Variants in IL1RAPL2 observed in about 807,000 individuals in gnomAD.
IL1RAPL2 encodes the protein interleukin 1 receptor accessory protein like 2.
IL1RAPL2 carries 3 observed loss-of-function variants against 44.1 expected under a neutral mutation model. The observed-to-expected ratio is 0.07, with a 90% CI of 0.03 to 0.18. The LOEUF is 0.18. Among genes scored for constraint, IL1RAPL2 ranks in the 10% least tolerant of loss-of-function variants. The pLI, the probability that IL1RAPL2 is intolerant of heterozygous loss-of-function variation, is 1.00. For synonymous variants in IL1RAPL2, 181 were observed against 178.8 expected (o/e 1.01, Z -0.10); for missense variants, 391 against 496.4 (o/e 0.79, Z 2.02).
At chrX:105,159,818 C>T (rs1260354549) in intron 2 of IL1RAPL2, among the ~76,000 whole-genome samples, 1 of 111,372 alleles carries the variant, frequency 9.0e-6, no homozygotes, top group Non-Finnish European at 1.9e-5. Flanking sequence ...AATCTGATAC[C>T]AGAGAATAGG....
chrX:105,317,900 A>G (rs755659722), intron 5 of IL1RAPL2, among the ~76,000 whole-genome samples: 1 of 111,340 alleles, frequency 9.0e-6, no homozygotes, highest in East Asian at 2.8e-4. Context: ...ATATTCACAC[A>G]GGTAGCATTA....
At chrX:105,295,027 A>G (rs1663697809) in intron 5 of IL1RAPL2, among the ~76,000 whole-genome samples, 1 of 111,924 alleles carries the variant, frequency 8.9e-6, no homozygotes, top group African/African-American at 3.2e-5. Context: ...CAAAGGCAAC[A>G]ATATGAGCTC....
chrX:105,239,945 T>C (rs1440820624), intron 4 of IL1RAPL2, among the ~76,000 whole-genome samples: 1 of 112,040 alleles, frequency 8.9e-6, no homozygotes, highest in Non-Finnish European at 1.9e-5. Context: ...AAAACATACA[T>C]TGAAAATGAC....
At chrX:104,616,522 G>A (rs1929282273) in intron 1 of IL1RAPL2, among the ~76,000 whole-genome samples, 1 of 112,204 alleles carries the variant, frequency 8.9e-6, no homozygotes, top group Admixed American at 9.5e-5. Flanking sequence ...TGGTTTGAAA[G>A]TCATGCGGCT....
intron 2 of IL1RAPL2, among the ~76,000 whole-genome samples, chrX:105,098,119 G>A (rs1177745949): frequency 8.9e-6 from 1 of 112,232 alleles, no homozygotes; most frequent in African/African-American, 3.2e-5. Context: ...TAGAAGAAGT[G>A]TCTATGCCTT....
Position 105,749,070 on chromosome X carries a change from A to G in IL1RAPL2, c.1159A>G (p.Arg387Gly). 3.3e-6 allele frequency: 4 copies of G among 1,209,331 alleles called. No individual in the cohort carries two copies. The highest frequency in any genetic ancestry group is 4.5e-6 in the Non-Finnish European group (4 of 893,834). ...CAACATTGAATTGATGCTCTTCTACAGGCAGCACTTTGGAGCTGATGAAAC... is the reference window on the plus strand; with the variant it reads ...CAACATTGAATTGATGCTCTTCTACGGGCAGCACTTTGGAGCTGATGAAAC... ...CYNIELMLFY[R>G]QHFGADETND... Residue 387 changes from arginine (R) to glycine (G), a missense_variant, in exon 9 of 11, where the codon AGG becomes GGG. This residue lies in a region of IL1RAPL2 where 232 missense variants were observed against 244.8 expected (regional missense o/e 0.95). Coordinates refer to ENST00000372582, the MANE Select transcript of IL1RAPL2 (RefSeq NM_017416.2).
intron 5 of IL1RAPL2, among the ~76,000 whole-genome samples, chrX:105,477,931 G>A (rs938155613): frequency 9.0e-6 from 1 of 111,320 alleles, no homozygotes; most frequent in African/African-American, 3.3e-5. Context: ...GAAGTATTTG[G>A]CATAAAATAT....
chrX:104,611,406 C>T (rs1366151945), intron 1 of IL1RAPL2, among the ~76,000 whole-genome samples: 3 of 111,117 alleles, frequency 2.7e-5, no homozygotes, highest in Admixed American at 9.6e-5. Context: ...GTGGTGGGCT[C>T]TTCCCTGCTT....
intron 2 of IL1RAPL2, among the ~76,000 whole-genome samples, chrX:104,673,723 C>A (rs760291173): frequency 1.5e-4 from 16 of 109,222 alleles, no homozygotes; most frequent in Non-Finnish European, 3.1e-4. Flanking sequence ...ATTCTTCCTA[C>A]CCATGAGCAT....
At chrX:105,397,517 C>T (rs1357698019) in intron 5 of IL1RAPL2, among the ~76,000 whole-genome samples, 1 of 110,930 alleles carries the variant, frequency 9.0e-6, no homozygotes, top group Non-Finnish European at 1.9e-5. Context: ...TAGATTGAGA[C>T]AAAACATCAA....
At chrX:104,681,301 A>T (rs912542465) in intron 2 of IL1RAPL2, among the ~76,000 whole-genome samples, 3 of 112,382 alleles carry the variant, frequency 2.7e-5, no homozygotes, top group Non-Finnish European at 3.8e-5. Flanking sequence ...TTATGTCAGC[A>T]TGTTATTAAA....
chrX:104,886,337 ATTGGAAGGACAAT>A (rs373029444), intron 2 of IL1RAPL2, among the ~76,000 whole-genome samples: 3 of 96,678 alleles, frequency 3.1e-5, no homozygotes, highest in African/African-American at 1.1e-4. Flanking sequence ...AAGTCTGGGC[ATTGGAAGGACAAT>A]TTGGAAGGGC....
chrX:104,668,329 T>A (rs1311490797), intron 2 of IL1RAPL2, among the ~76,000 whole-genome samples: 4 of 109,316 alleles, frequency 3.7e-5, no homozygotes, highest in Admixed American at 9.9e-5. Context: ...ATTTTTATTT[T>A]TTTATTATTA....
At chrX:105,697,258 T>A (rs1195171573) in intron 6 of IL1RAPL2, among the ~76,000 whole-genome samples, 3 of 91,948 alleles carry the variant, frequency 3.3e-5, no homozygotes, top group Non-Finnish European at 6.3e-5. Context: ...GGGACAAACA[T>A]CCAAACTATA....
intron 2 of IL1RAPL2, among the ~76,000 whole-genome samples, chrX:104,742,733 C>T (rs1326431910): frequency 9.0e-6 from 1 of 111,378 alleles, no homozygotes; most frequent in Non-Finnish European, 1.9e-5. Flanking sequence ...GACATTTTAA[C>T]CCCAAATTGT....
chrX:105,287,640 A>G (rs1192554513), intron 5 of IL1RAPL2, among the ~76,000 whole-genome samples: 1 of 111,505 alleles, frequency 9.0e-6, no homozygotes, highest in Non-Finnish European at 1.9e-5. Flanking sequence ...AGTTGTGACT[A>G]TAGAGAAAAG....
intron 2 of IL1RAPL2, among the ~76,000 whole-genome samples, chrX:104,668,600 T>TA (rs968071352): frequency 8.3e-5 from 9 of 107,910 alleles, no homozygotes; most frequent in African/African-American, 2.7e-4. Flanking sequence ...GTTTTGAATT[T>TA]AAAAAAAACT....
At chrX:104,909,484 T>G (rs904365364) in intron 2 of IL1RAPL2, among the ~76,000 whole-genome samples, 8 of 111,768 alleles carry the variant, frequency 7.2e-5, no homozygotes, top group African/African-American at 2.6e-4. Flanking sequence ...TTTATCTACT[T>G]TTGGTCTTCT....
At chrX:104,835,053 AT>A (rs762417518) in intron 2 of IL1RAPL2, among the ~76,000 whole-genome samples, 1 of 112,137 alleles carries the variant, frequency 8.9e-6, no homozygotes, top group Admixed American at 9.5e-5. Context: ...CAGAAAAAAA[AT>A]GTTGTTAGAT....
Sources: gnomAD v4.1 joint callset for allele counts (sites outside exome capture counted in the v4.1 genomes callset) on GRCh38, gnomAD v4.1.1 for gene constraint, gnomAD v4.1.1 regional missense constraint, MANE v1.5 for transcripts, NCBI Gene and HGNC (gene_info 2026-07-23, HGNC 2026-07-21) for gene names.